Variants in BRINP1 observed in about 807,000 individuals in gnomAD.
BRINP1 encodes BMP/retinoic acid inducible neural specific 1.
BRINP1 carries 17 observed loss-of-function variants against 72.9 expected under a neutral mutation model. The ratio of observed to expected loss-of-function variants is 0.23; its 90% CI spans 0.16 to 0.35. The LOEUF is 0.35. BRINP1 is among the 10% of genes least tolerant of loss of function. BRINP1 has a pLI of 1.00. For synonymous variants in BRINP1, 418 were observed against 378.5 expected (o/e 1.10, Z -1.21); for missense variants, 850 against 1,001.6 (o/e 0.85, Z 2.04).
At chr9:119,233,753 A>G (rs565385602) in intron 5 of BRINP1, among the ~76,000 whole-genome samples, 12 of 152,222 alleles carry the variant, frequency 7.9e-5, no homozygotes, top group Non-Finnish European at 1.5e-4. Flanking sequence ...AAAACAGAAC[A>G]TTACCAATAT....
At chr9:119,228,619 T>C (rs1019222019) in intron 5 of BRINP1, among the ~76,000 whole-genome samples, 9 of 152,042 alleles carry the variant, frequency 5.9e-5, no homozygotes, top group African/African-American at 2.2e-4. Flanking sequence ...CTGAGGACTA[T>C]GTAGAATGCC....
At chr9:119,186,305 A>G (rs1588157788) in intron 7 of BRINP1, among the ~76,000 whole-genome samples, 1 of 152,252 alleles carries the variant, frequency 6.6e-6, no homozygotes, top group East Asian at 1.9e-4. Flanking sequence ...CCCCTCCACG[A>G]CCAGGTACTC....
chr9:119,345,522 C>T (rs931361580), intron 1 of BRINP1, among the ~76,000 whole-genome samples: 1 of 152,176 alleles, frequency 6.6e-6, no homozygotes, highest in African/African-American at 2.4e-5. Context: ...GCTACCCCAT[C>T]TTACTGTCTG....
At chr9:119,237,542 TTAG>T (rs1830204269) in intron 5 of BRINP1, among the ~76,000 whole-genome samples, 1 of 151,858 alleles carries the variant, frequency 6.6e-6, no homozygotes, top group Non-Finnish European at 1.5e-5. Context: ...TTTTGTATTT[TTAG>T]TAGAGACGGG....
At chr9:119,184,394 T>C (rs1418686585) in intron 7 of BRINP1, among the ~76,000 whole-genome samples, 4 of 152,150 alleles carry the variant, frequency 2.6e-5, no homozygotes, top group Non-Finnish European at 1.5e-5. Flanking sequence ...TCCGAAGATA[T>C]TCTCAGCTAA....
At chr9:119,194,890 TAA>T (rs1829719916) in intron 7 of BRINP1, among the ~76,000 whole-genome samples, 1 of 152,168 alleles carries the variant, frequency 6.6e-6, no homozygotes, top group Middle Eastern at 3.2e-3. Flanking sequence ...CTGGAAACTA[TAA>T]CATAATAAAT....
intron 1 of BRINP1, among the ~76,000 whole-genome samples, chr9:119,348,097 T>C (rs1831467628): frequency 6.6e-6 from 1 of 152,162 alleles, no homozygotes; most frequent in African/African-American, 2.4e-5. Context: ...TACACCACCC[T>C]AAAAATCCTC....
At chr9:119,172,762 A>G (rs1237360718) in intron 7 of BRINP1, among the ~76,000 whole-genome samples, 1 of 152,102 alleles carries the variant, frequency 6.6e-6, no homozygotes, top group Non-Finnish European at 1.5e-5. Context: ...ATCCAGCAAC[A>G]CATCAAAAAG....
intron 2 of BRINP1, among the ~76,000 whole-genome samples, chr9:119,263,150 A>G (rs1474794213): frequency 1.3e-5 from 2 of 152,160 alleles, no homozygotes; most frequent in Non-Finnish European, 2.9e-5. Context: ...CATCTGTGTT[A>G]TTTTGACGTG....
intron 5 of BRINP1, among the ~76,000 whole-genome samples, chr9:119,215,787 C>A (rs1324902567): frequency 6.6e-6 from 1 of 152,162 alleles, no homozygotes; most frequent in Non-Finnish European, 1.5e-5. Flanking sequence ...GGCAGGACAC[C>A]ACACGCTGTA....
chr9:119,295,792 G>C (rs775945302), intron 2 of BRINP1, among the ~76,000 whole-genome samples: 1 of 152,146 alleles, frequency 6.6e-6, no homozygotes, highest in Non-Finnish European at 1.5e-5. Context: ...ATGAGGAAAA[G>C]GTTCTCTCTT....
At chr9:119,181,297 A>C (rs966890114) in intron 7 of BRINP1, among the ~76,000 whole-genome samples, 2 of 152,216 alleles carry the variant, frequency 1.3e-5, no homozygotes, top group Non-Finnish European at 2.9e-5. Flanking sequence ...TTAACCCTGA[A>C]GTACAATAAT....
At position 119,220,828 on chromosome 9, in the gene BRINP1, A is replaced by T. The variant is rs192891712; in HGVS notation, c.686-6673T>A. On this transcript the variant is annotated intron_variant, in intron 5 of 7. Transcript: ENST00000265922. Reference sequence around the variant, plus strand: ...GCTGTGGGATGTGGGCTGAATCTTGAAACATGAGCATGGTCTGAATAGGTA... The same window carrying T: ...GCTGTGGGATGTGGGCTGAATCTTGTAACATGAGCATGGTCTGAATAGGTA... Among the ~76,000 whole-genome samples the T allele has an allele frequency of 1.2e-4, 18 of 152,304 alleles. No individual in the cohort carries two copies. In the East Asian group the frequency reaches 3.3e-3, roughly 28 times the overall value.
intron 2 of BRINP1, 66 bp downstream of exon 2, chr9:119,313,072 A>G (rs1831085345): frequency 1.3e-6 from 2 of 1,534,248 alleles, no homozygotes; most frequent in Non-Finnish European, 1.8e-6. Context: ...GTTTGCACCA[A>G]TCAACGCCTG....
At chr9:119,360,907 T>A (rs1831622493) in intron 1 of BRINP1, among the ~76,000 whole-genome samples, 1 of 152,234 alleles carries the variant, frequency 6.6e-6, no homozygotes, top group South Asian at 2.1e-4. Flanking sequence ...ACAAAAATGG[T>A]TGCATGTTGC....
At chr9:119,317,422 T>G (rs1383829449) in intron 1 of BRINP1, among the ~76,000 whole-genome samples, 1 of 152,180 alleles carries the variant, frequency 6.6e-6, no homozygotes, top group Non-Finnish European at 1.5e-5. Context: ...ATTGCTGCAA[T>G]TTCATGATAA....
intron 7 of BRINP1, among the ~76,000 whole-genome samples, chr9:119,183,767 T>G (rs1829581981): frequency 6.6e-6 from 1 of 152,186 alleles, no homozygotes; most frequent in Non-Finnish European, 1.5e-5. Context: ...ATCCTCACAA[T>G]TGATTTGTGT....
At chr9:119,314,576 G>C (rs1057173213) in intron 1 of BRINP1, among the ~76,000 whole-genome samples, 7 of 152,100 alleles carry the variant, frequency 4.6e-5, no homozygotes, top group Non-Finnish European at 8.8e-5. Context: ...ATGTTGGCCA[G>C]GCTGGTCTCG....
At chr9:119,308,253 G>A (rs932820636) in intron 2 of BRINP1, among the ~76,000 whole-genome samples, 2 of 151,940 alleles carry the variant, frequency 1.3e-5, no homozygotes, top group African/African-American at 4.8e-5. Context: ...TGCTGATTTC[G>A]ACTACTTTAT....
Sources: gnomAD v4.1 joint callset for allele counts (sites outside exome capture counted in the v4.1 genomes callset) on GRCh38, gnomAD v4.1.1 for gene constraint, MANE v1.5 for transcripts, NCBI Gene and HGNC (gene_info 2026-07-23, HGNC 2026-07-21) for gene names.